CDC14A: variants seen among roughly 807,000 people sequenced by gnomAD.
CDC14A encodes the protein dual specificity protein phosphatase CDC14A.
A neutral mutation model predicts 74.4 loss-of-function variants in CDC14A; 53 were observed. That is an observed-to-expected ratio of 0.71 (90% CI 0.57 to 0.89). The LOEUF (loss-of-function observed/expected upper bound fraction) is 0.89. Ranked by LOEUF, CDC14A falls within the 40% of genes least tolerant of loss-of-function variation. The pLI, the probability that CDC14A is intolerant of heterozygous loss-of-function variation, is 0.00. For missense variants in CDC14A, 646 were observed against 713.7 expected, an observed-to-expected ratio of 0.91 and a Z score of 1.08; for synonymous variants, 247 against 258.4, an observed-to-expected ratio of 0.96 and a Z score of 0.43.
At chr1:100,399,792 C>T (rs1659009183) in intron 4 of CDC14A, among the ~76,000 whole-genome samples, 1 of 151,188 alleles carries the variant, frequency 6.6e-6, no homozygotes, top group African/African-American at 2.4e-5. Context: ...TGCTTGAGGC[C>T]AGGAGTTTGA....
intron 4 of CDC14A, chr1:100,393,212 C>A (rs780071091): frequency 2.7e-4 from 425 of 1,593,460 alleles, no homozygotes; most frequent in Non-Finnish European, 3.4e-4. Flanking sequence ...TCTTTCTCTG[C>A]CAGTTTAAAT....
upstream of CDC14A, among the ~76,000 whole-genome samples, chr1:100,351,973 A>AGTGT (rs35169146): frequency 0.047 from 6,871 of 146,064 alleles, 284 homozygotes; most frequent in East Asian, 0.18. Context: ...GGTTTTTACG[A>AGTGT]GTGTGTGTGT....
Position 100,496,062 on chromosome 1 carries a change from A to T in CDC14A, c.1298+13A>T. ...CCCAGCCTTTCAGGTACTGCCAATG[A>T]GGTTGAATGTCTAGTAGCTTGTAAA... On this transcript the variant is annotated intron_variant, in intron 13 of 15. Transcript: ENST00000336454. 6.2e-7 allele frequency: 1 copy of T among 1,607,348 alleles called. No homozygotes were observed. Among genetic ancestry groups the T allele is most frequent in the Non-Finnish European group, 8.5e-7 (1 of 1,173,880 alleles).
At chr1:100,416,381 C>T (rs140613467) in intron 4 of CDC14A, among the ~76,000 whole-genome samples, 1 of 152,288 alleles carries the variant, frequency 6.6e-6, no homozygotes, top group Non-Finnish European at 1.5e-5. Context: ...TGGCCCACCT[C>T]AGGGATCTTC....
intron 4 of CDC14A, among the ~76,000 whole-genome samples, chr1:100,391,435 A>G (rs1657686609): frequency 6.6e-6 from 1 of 152,222 alleles, no homozygotes; most frequent in South Asian, 2.1e-4. Context: ...ACCATGCTGT[A>G]GAGTTTTAGG....
intron 2 of CDC14A, among the ~76,000 whole-genome samples, chr1:100,374,049 G>A (rs1182293998): frequency 6.6e-6 from 1 of 152,036 alleles, no homozygotes; most frequent in Admixed American, 6.6e-5. Flanking sequence ...GTGAGAATAT[G>A]CGGTGTTTGG....
intron 8 of CDC14A, among the ~76,000 whole-genome samples, chr1:100,460,707 G>A (rs1571248527): frequency 1.3e-5 from 2 of 152,232 alleles, no homozygotes; most frequent in East Asian, 1.9e-4. Flanking sequence ...CCATGTTTGT[G>A]TAGGTTATTG....
chr1:100,514,289 A>C (rs1650021203), intron 15 of CDC14A, among the ~76,000 whole-genome samples: 1 of 152,228 alleles, frequency 6.6e-6, no homozygotes, highest in African/African-American at 2.4e-5. Context: ...TAAAACTTTA[A>C]TCAACTCATA....
chr1:100,407,112 A>G (rs931887232), intron 4 of CDC14A, among the ~76,000 whole-genome samples: 4 of 152,092 alleles, frequency 2.6e-5, no homozygotes, highest in Non-Finnish European at 5.9e-5. Context: ...CTTGTAGTAC[A>G]GTTTGAGGTC....
chr1:100,422,631 CTG>C (rs1662500870), intron 4 of CDC14A, among the ~76,000 whole-genome samples: 1 of 152,174 alleles, frequency 6.6e-6, no homozygotes, highest in African/African-American at 2.4e-5. Flanking sequence ...TTTTTAGAAT[CTG>C]TGCCTCTTGT....
chr1:100,390,037 A>G (rs573608273), intron 3 of CDC14A, among the ~76,000 whole-genome samples: 35 of 152,328 alleles, frequency 2.3e-4, no homozygotes, highest in African/African-American at 8.2e-4. Context: ...TGTACAACAT[A>G]CCATGTTGAT....
chr1:100,432,118 GGTACAGGTCAC>G (rs1663762673), intron 5 of CDC14A, among the ~76,000 whole-genome samples: 1 of 152,116 alleles, frequency 6.6e-6, no homozygotes, highest in South Asian at 2.1e-4. Context: ...GTTGTTGTTA[GGTACAGGTCAC>G]GTTCAACTTT....
intron 10 of CDC14A, among the ~76,000 whole-genome samples, chr1:100,469,807 A>G (rs1229376712): frequency 6.6e-6 from 1 of 152,186 alleles, no homozygotes; most frequent in Non-Finnish European, 1.5e-5. Flanking sequence ...CACAGCCCTC[A>G]TGTTTCATGG....
chr1:100,394,919 T>C (rs1165348209), intron 4 of CDC14A, among the ~76,000 whole-genome samples: 1 of 152,264 alleles, frequency 6.6e-6, no homozygotes, highest in Non-Finnish European at 1.5e-5. Context: ...AGTTAAAATT[T>C]ACATATATTA....
chr1:100,483,779 AT>A (rs1397839829), intron 10 of CDC14A, among the ~76,000 whole-genome samples: 2 of 152,152 alleles, frequency 1.3e-5, no homozygotes, highest in Non-Finnish European at 2.9e-5. Flanking sequence ...TTGCTTTTAG[AT>A]TCTAAGAGTA....
At chr1:100,517,760 A>G (rs764157668) in intron 15 of CDC14A, among the ~76,000 whole-genome samples, 28 of 152,224 alleles carry the variant, frequency 1.8e-4, no homozygotes, top group East Asian at 3.8e-4. Context: ...GATGTGTAAG[A>G]TATTTATAAA....
chr1:100,412,189 G>T (rs1029182575), intron 4 of CDC14A, among the ~76,000 whole-genome samples: 4 of 152,178 alleles, frequency 2.6e-5, no homozygotes, highest in African/African-American at 9.7e-5. Context: ...TCACCTTTTA[G>T]AATGTCACTT....
intron 15 of CDC14A, among the ~76,000 whole-genome samples, chr1:100,505,604 G>A (rs1490844998): frequency 1.3e-5 from 2 of 152,202 alleles, no homozygotes; most frequent in Non-Finnish European, 2.9e-5. Flanking sequence ...CTGATTGTTT[G>A]AATATCCATT....
chr1:100,430,132 C>G (rs1663481853), intron 5 of CDC14A, among the ~76,000 whole-genome samples: 1 of 152,182 alleles, frequency 6.6e-6, no homozygotes, highest in African/African-American at 2.4e-5. Flanking sequence ...CTGATCCACA[C>G]CTGTGTGGAA....
Sources: allele counts gnomAD v4.1 joint callset (sites outside exome capture counted in the v4.1 genomes callset), GRCh38; gene constraint gnomAD v4.1.1; transcripts MANE v1.5; gene names NCBI Gene and HGNC (gene_info 2026-07-23, HGNC 2026-07-21).